DGKI: variants seen among roughly 807,000 people sequenced by gnomAD.
DGKI encodes diacylglycerol kinase iota.
In DGKI, 55 loss-of-function variants were observed where a neutral mutation model predicts 147.5. The ratio of observed to expected loss-of-function variants is 0.37; its 90% CI spans 0.30 to 0.47. The LOEUF is 0.47. DGKI is among the 20% of genes least tolerant of loss of function. The probability of loss-of-function intolerance (pLI) is 1.00; values close to 1 mark genes in which losing one functional copy is unlikely to be tolerated. For synonymous variants in DGKI, 469 were observed against 477.1 expected (o/e 0.98, Z 0.22); for missense variants, 1,007 against 1,323.8 (o/e 0.76, Z 3.71).
chr7:137,628,046 A>G (rs138342695), intron 6 of DGKI, among the ~76,000 whole-genome samples: 249 of 152,300 alleles, frequency 1.6e-3, no homozygotes, highest in African/African-American at 5.7e-3. Flanking sequence ...GAGTGCTTTT[A>G]TTGCCAAGAT....
At chr7:137,669,222 C>G (rs1038628773) in intron 3 of DGKI, among the ~76,000 whole-genome samples, 2 of 152,174 alleles carry the variant, frequency 1.3e-5, no homozygotes, top group Non-Finnish European at 2.9e-5. Flanking sequence ...GTTTTTAAAG[C>G]ATCACCTTCT....
chr7:137,691,798 G>GTTTTTTTTTTGT (rs1823613237), intron 1 of DGKI, among the ~76,000 whole-genome samples: 12 of 95,814 alleles, frequency 1.3e-4, no homozygotes, highest in Non-Finnish European at 8.0e-5. Context: ...AGACCTTTGG[G>GTTTTTTTTTTGT]TTTTTTTTTT....
intron 20 of DGKI, among the ~76,000 whole-genome samples, chr7:137,543,313 T>G (rs1206828246): frequency 6.6e-6 from 1 of 152,224 alleles, no homozygotes; most frequent in East Asian, 1.9e-4. Flanking sequence ...TCTATTTGCT[T>G]TGTTTTGTCC....
At chr7:137,520,972 G>A (rs1358447) in intron 21 of DGKI, among the ~76,000 whole-genome samples, 14,018 of 152,044 alleles carry the variant, frequency 0.092, 1,402 homozygotes, top group African/African-American at 0.24. Flanking sequence ...GACTGGGTTC[G>A]TAAGTCTTTG....
intron 21 of DGKI, among the ~76,000 whole-genome samples, chr7:137,492,576 A>G (rs73447311): frequency 0.022 from 3,381 of 152,238 alleles, 124 homozygotes; most frequent in African/African-American, 0.077. Flanking sequence ...GGAGACCACA[A>G]GACCCCCACA....
In DGKI at chr7:137,767,594, A is replaced by AGAGAAGGAG. The variant is rs1309623289; in HGVS notation, c.402-77601_402-77593dup. Among the ~76,000 whole-genome samples, 3 of 151,488 alleles carry AGAGAAGGAG rather than the reference A, an allele frequency of 2.0e-5. No homozygotes were observed. In the East Asian group the frequency reaches 5.8e-4, roughly 29 times the overall value. On this transcript the variant is annotated intron_variant, in intron 1 of 32. Coordinates refer to ENST00000614521, the MANE Select transcript of DGKI (RefSeq NM_001321708.2). The stretch of plus-strand genomic sequence containing the variant: ...AGAAGGAGAAGGAGAAGAGAAGAGA[A>AGAGAAGGAG]GAGAAGGAGAAGAGATAATAATATA...
At chr7:137,770,300 A>T (rs1176274494) in intron 1 of DGKI, among the ~76,000 whole-genome samples, 1 of 150,622 alleles carries the variant, frequency 6.6e-6, no homozygotes, top group African/African-American at 2.4e-5. Flanking sequence ...GGAACAACAC[A>T]CATCAGGGCC....
At chr7:137,619,301 G>C (rs1002596671) in intron 8 of DGKI, among the ~76,000 whole-genome samples, 4 of 152,174 alleles carry the variant, frequency 2.6e-5, no homozygotes, top group Admixed American at 2.6e-4. Context: ...GATATTAAGA[G>C]AATAAATTCT....
chr7:137,433,961 A>C (rs1278620803), intron 28 of DGKI, among the ~76,000 whole-genome samples: 1 of 151,794 alleles, frequency 6.6e-6, no homozygotes, highest in Non-Finnish European at 1.5e-5. Context: ...CTAGTAAAAA[A>C]CACAAAAATT....
chr7:137,649,706 T>A (rs1821955380), intron 5 of DGKI, among the ~76,000 whole-genome samples: 1 of 151,258 alleles, frequency 6.6e-6, no homozygotes, highest in Non-Finnish European at 1.5e-5. Flanking sequence ...CTAAAGAATT[T>A]AGTCACGTAA....
In DGKI at chr7:137,419,328, A is replaced by C. The variant is rs181532336; in HGVS notation, c.2762-7121T>G. On this transcript the variant is annotated intron_variant, in intron 28 of 32. Coordinates refer to ENST00000614521, the MANE Select transcript of DGKI (RefSeq NM_001321708.2). ...ATTCTCTTGATCTTATCATGACTGA[A>C]GTCTTCATAGTTTGCCTTTATTCAA... 3.4e-4 allele frequency among the ~76,000 whole-genome samples: 52 copies of C among 152,332 alleles called. 1 individual carries two copies. The East Asian group carries it at 7.1e-3, about 21-fold the overall frequency.
chr7:137,723,283 A>C (rs1013868587), intron 1 of DGKI, among the ~76,000 whole-genome samples: 2 of 152,224 alleles, frequency 1.3e-5, no homozygotes, highest in African/African-American at 4.8e-5. Flanking sequence ...GACTTTATTC[A>C]TTCATTTGGT....
chr7:137,720,202 T>C (rs898600836), intron 1 of DGKI, among the ~76,000 whole-genome samples: 2 of 150,796 alleles, frequency 1.3e-5, no homozygotes, highest in Non-Finnish European at 3.0e-5. Context: ...TAACTAGAAG[T>C]GCAATCTAAA....
chr7:137,597,671 T>C (rs1396008777), intron 12 of DGKI, among the ~76,000 whole-genome samples, 176 bp downstream of exon 12: 8 of 152,176 alleles, frequency 5.3e-5, no homozygotes, highest in Admixed American at 2.0e-4. Context: ...ATCAAGTATG[T>C]ATTCATAAGG....
intron 23 of DGKI, among the ~76,000 whole-genome samples, chr7:137,481,204 T>G (rs1247542129): frequency 6.6e-6 from 1 of 152,130 alleles, no homozygotes; most frequent in Non-Finnish European, 1.5e-5. Flanking sequence ...CCTTGCCAAA[T>G]GTCCCCTACA....
rs1326600431 is a variant in DGKI, at chr7:137,684,681, G to T, written c.510+5213C>A. 4.6e-5 allele frequency among the ~76,000 whole-genome samples: 7 copies of T among 152,240 alleles called. No homozygotes were observed. In the South Asian group the frequency reaches 1.2e-3, roughly 27 times the overall value. ...GATTTGTCCCTTCATTTACGTGGCT[G>T]ACCAGGACTGGGATCTTCACTGATT... On this transcript the variant is annotated intron_variant, in intron 2 of 32. Coordinates refer to ENST00000614521, the MANE Select transcript of DGKI (RefSeq NM_001321708.2).
In DGKI at chr7:137,431,668, T is replaced by C. The variant is rs201862562; in HGVS notation, c.2761+12409A>G. 2.0e-3 allele frequency among the ~76,000 whole-genome samples: 303 copies of C among 152,244 alleles called. 1 individual carries two copies. The highest frequency in any genetic ancestry group is 6.9e-3 in the African/African-American group (287 of 41,548). On this transcript the variant is annotated intron_variant, in intron 28 of 32. Transcript: ENST00000614521. ...TACTTTCCAAAATTTAAAGGTGGTG[T>C]TTTTAATTTTTCCTCCTGTGTTTCA...
chr7:137,428,829 G>C (rs1812932179), intron 28 of DGKI, among the ~76,000 whole-genome samples: 1 of 151,952 alleles, frequency 6.6e-6, no homozygotes, highest in Non-Finnish European at 1.5e-5. Context: ...AAAATACCTA[G>C]GAATCCAACT....
chr7:137,672,242 TA>T (rs1347656634), intron 3 of DGKI, among the ~76,000 whole-genome samples: 9 of 152,162 alleles, frequency 5.9e-5, no homozygotes, highest in African/African-American at 2.2e-4. Flanking sequence ...TAACTCGACT[TA>T]TAGAATGGCT....
Sources: allele counts gnomAD v4.1 joint callset (sites outside exome capture counted in the v4.1 genomes callset), GRCh38; gene constraint gnomAD v4.1.1; transcripts MANE v1.5; gene names NCBI Gene and HGNC (gene_info 2026-07-23, HGNC 2026-07-21).